Variants in TRAPPC9 observed in about 807,000 individuals in gnomAD.
TRAPPC9 encodes trafficking protein particle complex subunit 9.
Under a neutral mutation model 124.0 loss-of-function variants are expected in TRAPPC9, and 83 were observed. The observed-to-expected ratio is 0.67, with a 90% confidence interval of 0.56 to 0.80. The LOEUF is 0.80. TRAPPC9 is among the 30% of genes least tolerant of loss of function. TRAPPC9 has a pLI of 0.00. For missense variants in TRAPPC9, 1,302 were observed against 1,508.3 expected (o/e 0.86, Z 2.27); for synonymous variants, 638 against 617.5 (o/e 1.03, Z -0.49).
intron 18 of TRAPPC9, among the ~76,000 whole-genome samples, chr8:139,997,219 C>T (rs1838057056): frequency 6.6e-6 from 1 of 152,100 alleles, no homozygotes; most frequent in African/African-American, 2.4e-5. Flanking sequence ...ATGCATTCTA[C>T]ACTAGGGAGA....
intron 17 of TRAPPC9, among the ~76,000 whole-genome samples, chr8:140,177,461 T>TCTATTA (rs1344008961): frequency 6.6e-6 from 1 of 152,180 alleles, no homozygotes; most frequent in African/African-American, 2.4e-5. Flanking sequence ...TATGGATGGG[T>TCTATTA]CTATTACTAT....
chr8:140,384,137 G>A (rs973546329), intron 7 of TRAPPC9, among the ~76,000 whole-genome samples: 2 of 152,090 alleles, frequency 1.3e-5, no homozygotes, highest in African/African-American at 2.4e-5. Flanking sequence ...CACCAGGCCT[G>A]CCCTACAAGA....
At chr8:139,826,032 CT>C (rs1260399927) in intron 21 of TRAPPC9, among the ~76,000 whole-genome samples, 5 of 152,178 alleles carry the variant, frequency 3.3e-5, no homozygotes, top group Admixed American at 6.5e-5. Flanking sequence ...CCCATTCTGC[CT>C]GGTGGGCAAG....
Position 140,339,786 on chromosome 8 carries a change from C to T in TRAPPC9, c.1495+20264G>A, listed in dbSNP as rs1588175383. ...TCACATGGTCCTGATACAGAGATGC[C>T]TACATTTTCATCACTGAAGTCACAC... On this transcript the variant is annotated intron_variant, in intron 9 of 22. Transcript: ENST00000438773. 3.3e-5 allele frequency among the ~76,000 whole-genome samples: 5 copies of T among 152,138 alleles called. No homozygotes were observed. In the South Asian group the frequency reaches 1.0e-3, roughly 32 times the overall value.
chr8:139,864,093 T>C (rs75232393), intron 21 of TRAPPC9, among the ~76,000 whole-genome samples: 3,249 of 152,214 alleles, frequency 0.021, 109 homozygotes, highest in African/African-American at 0.074. Flanking sequence ...CTCCCTCTCC[T>C]GCAGCCCGAG....
Position 139,994,358 on chromosome 8 carries a change from C to T in TRAPPC9, c.2700-5522G>A, listed in dbSNP as rs942494790. Among the ~76,000 whole-genome samples, 16 of 152,278 alleles carry T rather than the reference C, an allele frequency of 1.1e-4. 1 individual carries two copies. Among genetic ancestry groups the T allele is most frequent in the African/African-American group, 3.8e-4 (16 of 41,564 alleles). On this transcript the variant is annotated intron_variant, in intron 18 of 22. Coordinates refer to ENST00000438773, the MANE Select transcript of TRAPPC9 (RefSeq NM_001160372.4). ...TGAGGCACAGAAGAGGAAATAATTG[C>T]TCTCCCAACTCTTTCCCTCACTAGT...
intron 17 of TRAPPC9, among the ~76,000 whole-genome samples, chr8:140,025,080 C>T (rs1587523498): frequency 6.6e-6 from 1 of 152,258 alleles, no homozygotes; most frequent in Non-Finnish European, 1.5e-5. Context: ...ATGGGGGTGG[C>T]GCTGCACTCA....
chr8:139,753,159 C>A (rs1819470650), intron 21 of TRAPPC9, among the ~76,000 whole-genome samples: 1 of 150,222 alleles, frequency 6.7e-6, no homozygotes, highest in Non-Finnish European at 1.5e-5. Context: ...ATCCACCCAT[C>A]CACCATCCAT....
intron 17 of TRAPPC9, among the ~76,000 whole-genome samples, chr8:140,154,886 T>A (rs909946464): frequency 3.9e-5 from 6 of 152,218 alleles, no homozygotes. Flanking sequence ...GCAAAATCTT[T>A]ATCACTGTAA....
chr8:140,339,849 C>CT (rs1003712239), intron 9 of TRAPPC9, among the ~76,000 whole-genome samples: 91 of 150,408 alleles, frequency 6.1e-4, no homozygotes, highest in Non-Finnish European at 1.1e-3. Flanking sequence ...CTGAGATAAA[C>CT]TTTTTTTTTT....
At chr8:140,318,170 G>A (rs1385529927) in intron 9 of TRAPPC9, among the ~76,000 whole-genome samples, 1 of 152,084 alleles carries the variant, frequency 6.6e-6, no homozygotes, top group Non-Finnish European at 1.5e-5. Context: ...CTGAATCCGG[G>A]TGATGGATAT....
chr8:139,838,527 T>C (rs1455122585), intron 21 of TRAPPC9, among the ~76,000 whole-genome samples: 2 of 152,216 alleles, frequency 1.3e-5, no homozygotes, highest in South Asian at 2.1e-4. Flanking sequence ...GCCATTTTCA[T>C]GGGCTGCTCG....
At chr8:140,084,556 T>A (rs1038386383) in intron 17 of TRAPPC9, among the ~76,000 whole-genome samples, 1 of 152,220 alleles carries the variant, frequency 6.6e-6, no homozygotes, top group Admixed American at 6.5e-5. Flanking sequence ...AAGGCCAGCA[T>A]GGAAATCAGA....
rs957097951 is a variant in TRAPPC9, at chr8:139,748,923, G to A, written c.3056-16721C>T. On this transcript the variant is annotated intron_variant, in intron 21 of 22. Transcript: ENST00000438773. ...GATTTCTAGACCTTGAACTCTGGCA[G>A]TAGGTCCAGGCTTGAAAACCAGGTT... is the stretch of plus-strand genomic sequence containing the variant. 3.9e-5 allele frequency among the ~76,000 whole-genome samples: 6 copies of A among 152,272 alleles called. No individual in the cohort carries two copies. In the South Asian group the frequency reaches 6.2e-4, roughly 16 times the overall value.
intron 17 of TRAPPC9, among the ~76,000 whole-genome samples, chr8:140,059,684 T>A (rs1406490619): frequency 6.6e-6 from 1 of 152,192 alleles, no homozygotes; most frequent in Non-Finnish European, 1.5e-5. Flanking sequence ...ACATTGAGCA[T>A]CTTCTCCCAT....
intron 21 of TRAPPC9, among the ~76,000 whole-genome samples, chr8:139,833,303 T>A (rs1184741520): frequency 6.6e-6 from 1 of 152,168 alleles, no homozygotes; most frequent in Non-Finnish European, 1.5e-5. Context: ...CTTCCTTAGC[T>A]TTAAGATTCT....
At position 139,788,117 on chromosome 8, in the gene TRAPPC9, G is replaced by A. The variant is rs1421394730; in HGVS notation, c.3056-55915C>T. 6.6e-6 allele frequency among the ~76,000 whole-genome samples: 1 copy of A among 152,108 alleles called. No homozygotes were observed. Among genetic ancestry groups the A allele is most frequent in the Non-Finnish European group, 1.5e-5 (1 of 68,026 alleles). On this transcript the variant is annotated intron_variant, in intron 21 of 22. Coordinates refer to ENST00000438773, the MANE Select transcript of TRAPPC9 (RefSeq NM_001160372.4). This position sits in a 1 kb window ranked among gnomAD's most constrained non-coding sequence, Gnocchi z 4.9. The stretch of plus-strand genomic sequence containing the variant: ...CAGAAGCCACTTCCCCACTGCACTG[G>A]TTTCTGCTGGGGACAATGATGACAA...
At chr8:139,975,709 G>T (rs2131631683) in intron 19 of TRAPPC9, among the ~76,000 whole-genome samples, 1 of 152,176 alleles carries the variant, frequency 6.6e-6, no homozygotes, top group South Asian at 2.1e-4. Context: ...TCAGCATCCA[G>T]GCCATGGGAC....
chr8:140,391,969 T>G (rs1189620529), intron 7 of TRAPPC9, among the ~76,000 whole-genome samples: 2 of 151,276 alleles, frequency 1.3e-5, no homozygotes, highest in African/African-American at 4.9e-5. Flanking sequence ...GAAGTTGCAG[T>G]GAGCTGAGAT....
Sources: allele counts gnomAD v4.1 joint callset (sites outside exome capture counted in the v4.1 genomes callset), GRCh38; gene constraint gnomAD v4.1.1; non-coding constraint Gnocchi (gnomAD v3.1); transcripts MANE v1.5; gene names NCBI Gene and HGNC (gene_info 2026-07-23, HGNC 2026-07-21).